PHKA1: variants seen among roughly 807,000 people sequenced by gnomAD.
The protein encoded by PHKA1 is phosphorylase b kinase regulatory subunit alpha, skeletal muscle isoform.
A neutral mutation model predicts 110.2 loss-of-function variants in PHKA1; 60 were observed. The observed-to-expected ratio is 0.54, with a 90% CI of 0.44 to 0.68. The LOEUF is 0.68. PHKA1 is among the 30% of genes least tolerant of loss of function. PHKA1 has a pLI of 0.00. For missense variants in PHKA1, 801 were observed against 942.5 expected (o/e 0.85, Z 1.97); for synonymous variants, 316 against 333.6 (o/e 0.95, Z 0.58).
intron 1 of PHKA1, among the ~76,000 whole-genome samples, 191 bp from the exon 2 acceptor site, chrX:72,713,128 G>A (rs925997242): frequency 1.8e-5 from 2 of 111,889 alleles, no homozygotes; most frequent in African/African-American, 6.5e-5. Flanking sequence ...GCTTTACTGA[G>A]CTATATTCAA....
chrX:72,678,024 G>A (rs2053800441), intron 5 of PHKA1, among the ~76,000 whole-genome samples: 1 of 111,320 alleles, frequency 9.0e-6, no homozygotes, highest in East Asian at 2.8e-4. Context: ...TCCTAGTGTG[G>A]GTGACAAAGA....
chrX:72,664,822 G>C (rs1433699915), intron 8 of PHKA1, among the ~76,000 whole-genome samples: 1 of 111,345 alleles, frequency 9.0e-6, no homozygotes, highest in Non-Finnish European at 1.9e-5. Flanking sequence ...AATGACCAAC[G>C]AGTCAATGAA....
rs185317098 is a variant in PHKA1 at position 72,669,354 on chromosome X, T to G, written c.619-1881A>C. ...GGCCCAGAAGCTGTTTTTCTTTTTT[T>G]TTGTTGTTGTTGTTGTTGTTGTTTT... On this transcript the variant is annotated intron_variant, in intron 6 of 31. Coordinates refer to ENST00000373542, the MANE Select transcript of PHKA1 (RefSeq NM_002637.4). 4.6e-3 allele frequency among the ~76,000 whole-genome samples: 513 copies of G among 111,312 alleles called. 4 individuals carry two copies. The highest frequency in any genetic ancestry group is 0.04 in the East Asian group (142 of 3,546).
At chrX:72,707,990 G>C (rs2054316111) in intron 2 of PHKA1, 1 of 111,314 alleles carries the variant, frequency 9.0e-6, no homozygotes, top group Non-Finnish European at 1.9e-5. Flanking sequence ...TGGTCTGTGA[G>C]GAAGGACAGG....
At chrX:72,652,094 GA>G (rs1315493591) in intron 12 of PHKA1, among the ~76,000 whole-genome samples, 2 of 109,159 alleles carry the variant, frequency 1.8e-5, no homozygotes, top group Non-Finnish European at 3.8e-5. Context: ...CCCAAGCAAA[GA>G]AAAAAAAAGT....
chrX:72,713,669 G>A, intron 1 of PHKA1, 134 bp downstream of exon 1: 5 of 254,274 alleles, frequency 2.0e-5, no homozygotes, highest in Middle Eastern at 8.6e-4. Context: ...CAAGGTCTCC[G>A]TCACACACAC....
At chrX:72,610,606 A>G (rs1556258801) in intron 22 of PHKA1, among the ~76,000 whole-genome samples, 1 of 111,678 alleles carries the variant, frequency 9.0e-6, no homozygotes, top group Non-Finnish European at 1.9e-5. Flanking sequence ...TCTCTCCCAT[A>G]TACTGATTTC....
chrX:72,672,925 G>A (rs1556309809), intron 6 of PHKA1, among the ~76,000 whole-genome samples: 1 of 111,636 alleles, frequency 9.0e-6, no homozygotes, highest in Non-Finnish European at 1.9e-5. Flanking sequence ...AAATCAAATC[G>A]AGGAACATTC....
chrX:72,680,574 G>C (rs1220241761), intron 5 of PHKA1, among the ~76,000 whole-genome samples: 3 of 112,770 alleles, frequency 2.7e-5, no homozygotes, highest in African/African-American at 9.7e-5. Context: ...GAAGAATGAA[G>C]AAATGTTAAA....
chrX:72,699,348 C>CA (rs782487258), intron 3 of PHKA1, among the ~76,000 whole-genome samples: 137 of 105,524 alleles, frequency 1.3e-3, no homozygotes, highest in African/African-American at 4.3e-3. Context: ...ACTAAAAATA[C>CA]AAAAAAAAAT....
rs2053339011 is a variant in PHKA1 at position 72,644,614 on chromosome X, C to G, written c.1325-118G>C. ...AAAAAAGGAAATGGGAGGAAATGAACAGTTATTGAGGAACTTTGATAAAAT... is the reference window on the plus strand; with the variant it reads ...AAAAAAGGAAATGGGAGGAAATGAAGAGTTATTGAGGAACTTTGATAAAAT... On this transcript the variant is annotated intron_variant, in intron 13 of 31. Transcript: ENST00000373542. 21 of 600,129 alleles carry G rather than the reference C, an allele frequency of 3.5e-5. 1 individual carries two copies. The South Asian group carries it at 5.6e-4, about 16-fold the overall frequency. 49.5% of individuals were successfully genotyped at this position (600,129 alleles called of 1,213,427 possible).
At chrX:72,681,414 C>T (rs2053865539) in intron 5 of PHKA1, among the ~76,000 whole-genome samples, 1 of 111,874 alleles carries the variant, frequency 8.9e-6, no homozygotes, top group South Asian at 3.6e-4. Flanking sequence ...CAGCCCCCCG[C>T]CCGGCCAGCC....
At chrX:72,633,703 T>C (rs1198233833) in intron 16 of PHKA1, among the ~76,000 whole-genome samples, 2 of 111,706 alleles carry the variant, frequency 1.8e-5, no homozygotes, top group African/African-American at 6.5e-5. Context: ...CTCACTACAA[T>C]GTGTACTGTC....
intron 20 of PHKA1, 98 bp downstream of exon 20, chrX:72,619,116 T>C: frequency 5.1e-6 from 3 of 591,387 alleles, no homozygotes; most frequent in East Asian, 3.5e-5. Context: ...TGCGTACCAC[T>C]AGTTAGTAAC....
intron 6 of PHKA1, among the ~76,000 whole-genome samples, chrX:72,672,986 A>C (rs1473285503): frequency 8.9e-6 from 1 of 112,459 alleles, no homozygotes; most frequent in East Asian, 2.8e-4. Context: ...CATGAAAGAC[A>C]AGTAAGGACT....
rs782289337 is a variant in PHKA1, at chrX:72,640,490, T to A, written c.1459+3872A>T. ...TACCAAAATGTAACAGAGTTTATCA[T>A]ATACTGTTATTTTTCAAGAAAAACA... On this transcript the variant is annotated intron_variant, in intron 14 of 31. Transcript: ENST00000373542. 3.8e-4 allele frequency among the ~76,000 whole-genome samples: 43 copies of A among 112,422 alleles called. 1 individual carries two copies. Among genetic ancestry groups the A allele is most frequent in the African/African-American group, 1.4e-3 (42 of 31,081 alleles).
chrX:72,589,921 G>A (rs1340742440), intron 29 of PHKA1, among the ~76,000 whole-genome samples: 3 of 111,152 alleles, frequency 2.7e-5, no homozygotes, highest in African/African-American at 9.8e-5. Flanking sequence ...AAGGAAATAA[G>A]AGAGGACACA....
rs1300297735 is a variant in PHKA1 at position 72,713,957 on chromosome X, C to A, written c.-77G>T. ...CCTTCGGTCCCTAAGGAACAAGTAT[C>A]CAACGCTGCTCCACCCTCGTGGTGG... On this transcript the variant is annotated 5_prime_UTR_variant, in exon 1 of 32. Transcript: ENST00000373542. The A allele has an allele frequency of 1.3e-6, 1 of 741,178 alleles. No homozygotes were observed. The allele number at this position is 741,178 out of a possible 1,213,427, so 61.1% of individuals were successfully genotyped here.
intron 6 of PHKA1, among the ~76,000 whole-genome samples, 188 bp downstream of exon 6, chrX:72,675,882 C>CAA (rs1440396447): frequency 3.6e-5 from 4 of 110,818 alleles, no homozygotes; most frequent in Non-Finnish European, 7.5e-5. Flanking sequence ...AGTTGGATAT[C>CAA]AAATCTGCAG....
Sources: allele counts gnomAD v4.1 joint callset (sites outside exome capture counted in the v4.1 genomes callset), GRCh38; gene constraint gnomAD v4.1.1; transcripts MANE v1.5; gene names NCBI Gene and HGNC (gene_info 2026-07-23, HGNC 2026-07-21).